The following MDN1 variants were observed in gnomAD, a reference collection of about 807,000 sequenced individuals.
The protein encoded by MDN1 is midasin AAA ATPase 1.
A neutral mutation model predicts 669.2 loss-of-function variants in MDN1; 266 were observed. The observed-to-expected ratio is 0.40, with a 90% CI of 0.36 to 0.44. The LOEUF is 0.44. Ranked by LOEUF, MDN1 falls within the 20% of genes least tolerant of loss-of-function variation. MDN1 has a pLI of 1.00. For synonymous variants in MDN1, 2,385 were observed against 2,457.1 expected (o/e 0.97, Z 0.87); for missense variants, 5,940 against 6,754.0 (o/e 0.88, Z 4.22).
intron 53 of MDN1, among the ~76,000 whole-genome samples, chr6:89,705,231 C>A (rs1813435233): frequency 1.3e-5 from 2 of 152,172 alleles, no homozygotes; most frequent in South Asian, 2.1e-4. Context: ...ACGTGAAATT[C>A]TTTGCTACTG....
In MDN1 at chr6:89,643,686, C is replaced by T; in HGVS notation, c.*319G>A. ...TCCTCAAGGCACAGGTGCCCAGATC[C>T]CCTGCAAAAGAAAACAGGCAGCTGG... On this transcript the variant is annotated 3_prime_UTR_variant, in exon 102 of 102. Transcript: ENST00000369393. 1 of 221,260 alleles carries T rather than the reference C, an allele frequency of 4.5e-6. No individual in the cohort carries two copies. The allele number at this position is 221,260 out of a possible 1,614,324, so 13.7% of individuals were successfully genotyped here.
Position 89,678,469 on chromosome 6 carries a change from A to C in MDN1, c.12412+130T>G. ...GTGAGTGGAACTCTTAGACATCTGG[A>C]AACCTTGCCTGTACCTTCTGTTGTC... is the stretch of plus-strand genomic sequence containing the variant. On this transcript the variant is annotated intron_variant, in intron 75 of 101. Transcript: ENST00000369393. 8 of 1,032,970 alleles carry C rather than the reference A, an allele frequency of 7.7e-6. No homozygotes were observed. The South Asian group carries it at 1.5e-4, about 20-fold the overall frequency. 64.0% of individuals were successfully genotyped at this position (1,032,970 alleles called of 1,614,324 possible).
chr6:89,756,878 G>A (rs1009401798), intron 19 of MDN1, among the ~76,000 whole-genome samples: 4 of 150,232 alleles, frequency 2.7e-5, no homozygotes, highest in African/African-American at 7.4e-5. Flanking sequence ...CCGAGGTTGC[G>A]CCACTGCACT....
chr6:89,784,449 A>C (rs931736456), intron 9 of MDN1, among the ~76,000 whole-genome samples: 1 of 152,150 alleles, frequency 6.6e-6, no homozygotes, highest in Non-Finnish European at 1.5e-5. Flanking sequence ...TTTGTCTGCC[A>C]CTCTCCTAGA....
At chr6:89,699,427 T>C (rs1383775095) in intron 58 of MDN1, among the ~76,000 whole-genome samples, 174 bp downstream of exon 58, 1 of 152,200 alleles carries the variant, frequency 6.6e-6, no homozygotes, top group Non-Finnish European at 1.5e-5. Context: ...TATACCCTCA[T>C]AATTACTATA....
chr6:89,763,909 T>C (rs1299949838), intron 15 of MDN1, among the ~76,000 whole-genome samples: 1 of 152,278 alleles, frequency 6.6e-6, no homozygotes, highest in East Asian at 1.9e-4. Context: ...CTTTAGTCCA[T>C]TTATTAAACA....
rs111969353 is a variant in MDN1, at chr6:89,812,574, T to C, written c.102+6932A>G. Among the ~76,000 whole-genome samples, 879 of 152,264 alleles carry C rather than the reference T, an allele frequency of 5.8e-3. 10 individuals are homozygous for C. The highest frequency in any genetic ancestry group is 0.02 in the African/African-American group (826 of 41,556). On this transcript the variant is annotated intron_variant, in intron 1 of 101. Transcript: ENST00000369393. ...CTTAACATATTGAGTTTTTACTGTT[T>C]TGAGTAATGAAATTACTACACTGTC...
chr6:89,784,963 G>T, intron 9 of MDN1, 49 bp downstream of exon 9: 1 of 1,212,896 alleles, frequency 8.2e-7, no homozygotes, highest in Non-Finnish European at 1.2e-6. Context: ...TATTTCACGC[G>T]GGAGCCACTG....
At chr6:89,764,565 A>G (rs1817707014) in intron 15 of MDN1, among the ~76,000 whole-genome samples, 1 of 152,190 alleles carries the variant, frequency 6.6e-6, no homozygotes, top group South Asian at 2.1e-4. Context: ...CTATGAACAT[A>G]ATGTAAGGTA....
chr6:89,782,943 T>C (rs1233701226), intron 9 of MDN1, among the ~76,000 whole-genome samples: 1 of 152,216 alleles, frequency 6.6e-6, no homozygotes, highest in Non-Finnish European at 1.5e-5. Context: ...CTGTCTTTAA[T>C]CTCTTAATCC....
chr6:89,673,397 C>A lies in MDN1; in HGVS notation c.13313G>T (p.Gly4438Val). 4 of 1,614,156 alleles carry A rather than the reference C, an allele frequency of 2.5e-6. No homozygotes were observed. Among genetic ancestry groups the A allele is most frequent in the Non-Finnish European group, 3.4e-6 (4 of 1,180,022 alleles). The stretch of plus-strand genomic sequence containing the variant: ...TGGAAGAATGAACAAGGACTCTAGG[C>A]CCTGCAAATGAACTGACACCTGGGA... ...CLSQVSVHLQ[G>V]LESLFILPGM... Residue 4438 changes from glycine (G) to valine (V), a missense_variant, in exon 80 of 102, where the codon GGC (glycine) becomes GTC (valine). Gly to Val is a moderately radical substitution (Grantham distance 109). Around this residue, in one of 5 missense-constraint regions of MDN1, gnomAD observed 2,280 missense variants for 2,576.3 expected, o/e 0.88. Coordinates refer to ENST00000369393, the MANE Select transcript of MDN1 (RefSeq NM_014611.3).
chr6:89,696,577 A>G lies in MDN1; in HGVS notation c.9169-3T>C, dbSNP rs771787586. 5.0e-6 allele frequency: 8 copies of G among 1,610,002 alleles called. No individual in the cohort carries two copies. The South Asian group carries it at 8.8e-5, about 18-fold the overall frequency. On this transcript the variant is annotated splice_region_variant and splice_polypyrimidine_tract_variant and intron_variant, in intron 59 of 101. Coordinates refer to ENST00000369393, the MANE Select transcript of MDN1 (RefSeq NM_014611.3). Reference sequence around the variant, plus strand: ...GGTCTATTGAGATTGCCGGGGCCCTAAAGGACAAGAGAAGAGTCAATAACT... The same window carrying G: ...GGTCTATTGAGATTGCCGGGGCCCTGAAGGACAAGAGAAGAGTCAATAACT...
rs959792394 is a variant in MDN1 at position 89,752,530 on chromosome 6, T to C, written c.3076-948A>G. On this transcript the variant is annotated intron_variant, in intron 22 of 101. Coordinates refer to ENST00000369393, the MANE Select transcript of MDN1 (RefSeq NM_014611.3). ...GTAAACAAGCCAATTTACATGTTGA[T>C]TGTGAGCAAGTTTCTCTCAGCCTCT... Among the ~76,000 whole-genome samples, 4 of 152,210 alleles carry C rather than the reference T, an allele frequency of 2.6e-5. No homozygotes were observed. In the East Asian group the frequency reaches 7.7e-4, roughly 29 times the overall value.
At chr6:89,719,675 G>C (rs1562137685) in intron 40 of MDN1, among the ~76,000 whole-genome samples, 1 of 152,104 alleles carries the variant, frequency 6.6e-6, no homozygotes, top group Non-Finnish European at 1.5e-5. Flanking sequence ...GATTATTTCT[G>C]ATCTTTATAC....
intron 83 of MDN1, among the ~76,000 whole-genome samples, chr6:89,670,166 ATATATT>A (rs1326582742): frequency 9.0e-4 from 16 of 17,708 alleles, no homozygotes; most frequent in African/African-American, 3.2e-3. Flanking sequence ...ATATATATAT[ATATATT>A]TTTTTTTTTT....
intron 95 of MDN1, among the ~76,000 whole-genome samples, chr6:89,651,268 T>G (rs1481298631): frequency 2.2e-5 from 3 of 135,180 alleles, no homozygotes; most frequent in Non-Finnish European, 3.1e-5. Context: ...GAGGTTGCAG[T>G]GGGTCAAGAT....
chr6:89,706,193 C>T lies in MDN1; in HGVS notation c.8015-1G>A. On this transcript the variant is annotated splice_acceptor_variant, in intron 52 of 101. Coordinates refer to ENST00000369393, the MANE Select transcript of MDN1 (RefSeq NM_014611.3). LOFTEE classifies it high-confidence loss of function. Reference sequence around the variant, plus strand: ...GGCAGAGTGTGATAGCTTTCTGGATCTGAGAGTCAACATAAATAAAATGAG... The same window carrying T: ...GGCAGAGTGTGATAGCTTTCTGGATTTGAGAGTCAACATAAATAAAATGAG... 6.2e-7 allele frequency: 1 copy of T among 1,606,492 alleles called. No homozygotes were observed. Among genetic ancestry groups the T allele is most frequent in the Non-Finnish European group, 8.5e-7 (1 of 1,176,868 alleles).
chr6:89,801,004 A>G (rs1767619098), intron 2 of MDN1, among the ~76,000 whole-genome samples: 1 of 152,252 alleles, frequency 6.6e-6, no homozygotes, highest in African/African-American at 2.4e-5. Flanking sequence ...TTACTAGTCC[A>G]GGATACTTCT....
Position 89,675,401 on chromosome 6 carries a change from C to G in MDN1, c.12761+63G>C. On this transcript the variant is annotated intron_variant, in intron 78 of 101. Coordinates refer to ENST00000369393, the MANE Select transcript of MDN1 (RefSeq NM_014611.3). ...ATTCCTCTCCCCACATGCAGCAACT[C>G]TGAGCTGACTTGGATCTAATTCTTC... The G allele has an allele frequency of 2.1e-6, 3 of 1,411,644 alleles. No individual in the cohort carries two copies. The South Asian group carries it at 3.6e-5, about 17-fold the overall frequency. 87.4% of individuals were successfully genotyped at this position (1,411,644 alleles called of 1,614,324 possible).
Sources: gnomAD v4.1 joint callset for allele counts (sites outside exome capture counted in the v4.1 genomes callset) on GRCh38, gnomAD v4.1.1 for gene constraint, gnomAD v4.1.1 regional missense constraint, MANE v1.5 for transcripts, NCBI Gene and HGNC (gene_info 2026-07-23, HGNC 2026-07-21) for gene names.